PDE6A: variants seen among roughly 807,000 people sequenced by gnomAD.
The protein encoded by PDE6A is phosphodiesterase 6A.
A neutral mutation model predicts 106.3 loss-of-function variants in PDE6A; 84 were observed. That is an observed-to-expected ratio of 0.79 (90% CI 0.66 to 0.95). The LOEUF (loss-of-function observed/expected upper bound fraction) is 0.95, where lower values mean the gene tolerates loss of function less well. Ranked by LOEUF, PDE6A falls within the 40% of genes least tolerant of loss-of-function variation. PDE6A has a pLI of 0.00. For synonymous variants in PDE6A, 394 were observed against 386.6 expected (o/e 1.02, Z -0.23); for missense variants, 1,052 against 1,084.9 (o/e 0.97, Z 0.43).
chr5:149,896,616 T>A (rs918272039), intron 11 of PDE6A, 95 bp downstream of exon 11: 3 of 1,613,790 alleles, frequency 1.9e-6, no homozygotes, highest in East Asian at 2.2e-5. Flanking sequence ...AACAGAGTGA[T>A]GGGGAACATG....
intron 4 of PDE6A, among the ~76,000 whole-genome samples, chr5:149,926,540 G>C (rs72830295): frequency 0.099 from 15,112 of 152,174 alleles, 829 homozygotes; most frequent in African/African-American, 0.14. Context: ...TTTAGAATTT[G>C]ACATATGTAA....
chr5:149,928,231 A>ATATATATATATTTTTT, intron 4 of PDE6A, among the ~76,000 whole-genome samples: 4 of 19,754 alleles, frequency 2.0e-4, no homozygotes, highest in South Asian at 1.3e-3. Flanking sequence ...ATATATATAT[A>ATATATATATATTTTTT]TTTTTTTTTT....
intron 1 of PDE6A, among the ~76,000 whole-genome samples, chr5:149,939,803 A>G (rs1243190407): frequency 6.6e-6 from 1 of 152,192 alleles, no homozygotes; most frequent in East Asian, 1.9e-4. Flanking sequence ...TCTCTGCTAC[A>G]TGATCCAATG....
chr5:149,889,081 C>CAAAAAAAAAA (rs568428704), intron 13 of PDE6A, among the ~76,000 whole-genome samples: 4 of 61,570 alleles, frequency 6.5e-5, no homozygotes, highest in South Asian at 7.1e-4. Context: ...GACTCTGTCT[C>CAAAAAAAAAA]AAAAAAAAAA....
At position 149,940,917 on chromosome 5, in the gene PDE6A, C is replaced by G. The variant is rs1351239771; in HGVS notation, c.474+3283G>C. 2.0e-5 allele frequency among the ~76,000 whole-genome samples: 3 copies of G among 152,134 alleles called. No individual in the cohort carries two copies. In the East Asian group the frequency reaches 5.8e-4, roughly 29 times the overall value. ...CAGTTGGATAAGACAGTCTCTGAAG[C>G]CCCCTTCCTCTCCTATTTTTAACCT... On this transcript the variant is annotated intron_variant, in intron 1 of 21. Coordinates refer to ENST00000255266, the MANE Select transcript of PDE6A (RefSeq NM_000440.3).
rs896195338 is a variant in PDE6A, at chr5:149,909,190, T to G, written c.999-1812A>C. 2.0e-5 allele frequency among the ~76,000 whole-genome samples: 3 copies of G among 152,312 alleles called. No homozygotes were observed. The East Asian group carries it at 5.8e-4, about 29-fold the overall frequency. On this transcript the variant is annotated intron_variant, in intron 6 of 21. Coordinates refer to ENST00000255266, the MANE Select transcript of PDE6A (RefSeq NM_000440.3). ...TTTTTGTTTTGTTTGAGACAGGGTC[T>G]CACTCTGTCACCCAGGCTGGAGTGC...
At chr5:149,920,942 A>AAAAGAAGAAAG (rs1554091211) in intron 5 of PDE6A, among the ~76,000 whole-genome samples, 157 of 108,282 alleles carry the variant, frequency 1.4e-3, no homozygotes, top group Non-Finnish European at 1.2e-3. Context: ...GAAAGAGAGA[A>AAAAGAAGAAAG]AAAGAAAGAA....
At chr5:149,905,890 C>T (rs1258028762) in intron 7 of PDE6A, among the ~76,000 whole-genome samples, 1 of 152,114 alleles carries the variant, frequency 6.6e-6, no homozygotes, top group Non-Finnish European at 1.5e-5. Flanking sequence ...CAGGGTCTCC[C>T]TCTGTTGCCC....
At chr5:149,918,767 A>G (rs1197138176) in intron 5 of PDE6A, among the ~76,000 whole-genome samples, 1 of 151,414 alleles carries the variant, frequency 6.6e-6, no homozygotes, top group African/African-American at 2.4e-5. Flanking sequence ...ACGCGTCACC[A>G]TGCCCGGCTA....
At chr5:149,879,418 G>GTTT (rs147091528) in intron 17 of PDE6A, among the ~76,000 whole-genome samples, 11 of 148,364 alleles carry the variant, frequency 7.4e-5, no homozygotes, top group South Asian at 6.4e-4. Flanking sequence ...TTTTTTTTAG[G>GTTT]TTTTTTTTTT....
chr5:149,926,615 A>C (rs1358225705), intron 4 of PDE6A, among the ~76,000 whole-genome samples: 1 of 152,226 alleles, frequency 6.6e-6, no homozygotes, highest in African/African-American at 2.4e-5. Context: ...AATGACTATA[A>C]AGGAAAAGAT....
intron 17 of PDE6A, among the ~76,000 whole-genome samples, chr5:149,874,115 G>A (rs754950635): frequency 7.2e-5 from 11 of 152,114 alleles, no homozygotes; most frequent in Non-Finnish European, 1.6e-4. Context: ...ACACAGGAAG[G>A]GAGTGTTGGG....
chr5:149,889,063 C>G (rs1433639356), intron 13 of PDE6A, among the ~76,000 whole-genome samples: 2 of 89,808 alleles, frequency 2.2e-5, no homozygotes, highest in Non-Finnish European at 4.2e-5. Context: ...GCCTGGGCGA[C>G]AGAGTGAGAC....
rs185018237 is a variant in PDE6A at position 149,916,514 on chromosome 5, C to T, written c.934-1507G>A. Among the ~76,000 whole-genome samples, 1,103 of 152,188 alleles carry T rather than the reference C, an allele frequency of 7.2e-3. 12 individuals carry two copies. The highest frequency in any genetic ancestry group is 0.026 in the African/African-American group (1,059 of 41,518). ...CTACCTTCTCATCATGTTTCATGAC[C>T]CCAAACTAACTCTCTGCCTCTTCCA... On this transcript the variant is annotated intron_variant, in intron 5 of 21. Transcript: ENST00000255266.
rs931660280 is a variant in PDE6A, at chr5:149,934,713, C to A, written c.480G>T (p.Glu160Asp). ...IANVPNTEED[E>D]HFCDFVDILT... ...GGATGTCCACAAAGTCACAGAAATGCTCATCCTAAAGGAAGGCAGAGATAA... is the reference window on the plus strand; with the variant it reads ...GGATGTCCACAAAGTCACAGAAATGATCATCCTAAAGGAAGGCAGAGATAA... Residue 160 changes from glutamate (E) to aspartate (D), a missense_variant, in exon 2 of 22, where the codon GAG (glutamate) becomes GAT (aspartate). Transcript: ENST00000255266. The A allele has an allele frequency of 1.2e-6, 2 of 1,613,834 alleles. No individual in the cohort carries two copies. Among genetic ancestry groups the A allele is most frequent in the Non-Finnish European group, 1.7e-6 (2 of 1,180,024 alleles).
chr5:149,932,786 T>C (rs1754080135), intron 3 of PDE6A: 3 of 846,236 alleles, frequency 3.5e-6, no homozygotes, highest in Non-Finnish European at 5.6e-6. Flanking sequence ...CTTGCTTCAA[T>C]GTGCATGTGC....
In PDE6A at chr5:149,884,598, G is replaced by A; in HGVS notation, c.1927-19C>T. 1 of 1,592,304 alleles carries A rather than the reference G, an allele frequency of 6.3e-7. No homozygotes were observed. The highest frequency in any genetic ancestry group is 1.1e-5 in the South Asian group (1 of 90,602). ...TCAGGCTCTAAAGAAAAAAAGAGAA[G>A]CGAGATGGGAGAGAATTGATGCTGG... On this transcript the variant is annotated intron_variant, in intron 15 of 21. Coordinates refer to ENST00000255266, the MANE Select transcript of PDE6A (RefSeq NM_000440.3).
intron 6 of PDE6A, among the ~76,000 whole-genome samples, chr5:149,912,423 A>G (rs1041251396): frequency 2.0e-5 from 3 of 152,190 alleles, no homozygotes; most frequent in Admixed American, 6.5e-5. Context: ...CTGGCTGTCT[A>G]TCCTGGGCAC....
chr5:149,905,857 T>C (rs1213595591), intron 7 of PDE6A, among the ~76,000 whole-genome samples: 2 of 152,162 alleles, frequency 1.3e-5, no homozygotes, highest in Non-Finnish European at 2.9e-5. Context: ...CTTTCTTTTC[T>C]TTCTATTTTT....
Sources: allele counts gnomAD v4.1 joint callset (sites outside exome capture counted in the v4.1 genomes callset), GRCh38; gene constraint gnomAD v4.1.1; transcripts MANE v1.5; gene names NCBI Gene and HGNC (gene_info 2026-07-23, HGNC 2026-07-21).